The following GABRB1 variants were observed in gnomAD, a reference collection of about 807,000 sequenced individuals.
GABRB1 encodes the protein gamma-aminobutyric acid type A receptor subunit beta1, also known as gamma-aminobutyric acid receptor subunit beta-1.
In GABRB1, 17 loss-of-function variants were observed where a neutral mutation model predicts 51.6. The ratio of observed to expected loss-of-function variants is 0.33; its 90% CI spans 0.23 to 0.49. The LOEUF (loss-of-function observed/expected upper bound fraction) is 0.49, where lower values mean the gene tolerates loss of function less well. GABRB1 is among the 20% of genes least tolerant of loss of function. GABRB1 has a pLI of 0.99. For missense variants in GABRB1, 410 were observed against 600.6 expected (o/e 0.68, Z 3.32); for synonymous variants, 247 against 218.9 (o/e 1.13, Z -1.14).
At chr4:47,082,136 C>G (rs1414355680) in intron 3 of GABRB1, among the ~76,000 whole-genome samples, 2 of 151,918 alleles carry the variant, frequency 1.3e-5, no homozygotes, top group East Asian at 3.9e-4. Context: ...ATAATACCAA[C>G]TCTATGATTT....
At chr4:47,354,410 A>T (rs1478051301) in intron 5 of GABRB1, among the ~76,000 whole-genome samples, 2 of 152,192 alleles carry the variant, frequency 1.3e-5, no homozygotes, top group African/African-American at 2.4e-5. Context: ...TTATTCACAA[A>T]CTCTTTCTTC....
chr4:47,043,565 A>G lies in GABRB1; in HGVS notation c.240+11081A>G, dbSNP rs370131249. On this transcript the variant is annotated intron_variant, in intron 3 of 8. Coordinates refer to ENST00000295454, the MANE Select transcript of GABRB1 (RefSeq NM_000812.4). ...TGCATAGTCACTGTTCTGCTGTTCC[A>G]CATTTTAAAGGAGTTATACATCACC... Among the ~76,000 whole-genome samples the G allele has an allele frequency of 4.1e-4, 62 of 152,178 alleles. 1 individual carries two copies. In the East Asian group the frequency reaches 7.9e-3, roughly 19 times the overall value.
intron 3 of GABRB1, among the ~76,000 whole-genome samples, chr4:47,123,212 C>A (rs370408895): frequency 6.7e-6 from 1 of 148,316 alleles, no homozygotes; most frequent in Non-Finnish European, 1.5e-5. Flanking sequence ...AGGTACTATT[C>A]TGGGCTAGAG....
In GABRB1 at chr4:47,084,120, T is replaced by C. The variant is rs192735472; in HGVS notation, c.240+51636T>C. Among the ~76,000 whole-genome samples, 260 of 152,328 alleles carry C rather than the reference T, an allele frequency of 1.7e-3. 1 individual carries two copies. Among genetic ancestry groups the C allele is most frequent in the Non-Finnish European group, 2.8e-3 (189 of 68,030 alleles). ...CAATATGAATGTAAACCAGCTATGG[T>C]TTCTTTCATGGAGGATAAATTAAAT... On this transcript the variant is annotated intron_variant, in intron 3 of 8. Coordinates refer to ENST00000295454, the MANE Select transcript of GABRB1 (RefSeq NM_000812.4).
intron 1 of GABRB1, among the ~76,000 whole-genome samples, chr4:47,019,676 T>TTTCTTTCTTTCTTTCC (rs1724863125): frequency 7.3e-6 from 1 of 137,732 alleles, no homozygotes; most frequent in Non-Finnish European, 1.6e-5. Context: ...TCTTTCTTTC[T>TTTCTTTCTTTCTTTCC]TTCCTTCTTT....
chr4:47,397,157 T>C (rs866053831), intron 5 of GABRB1, among the ~76,000 whole-genome samples: 6 of 152,208 alleles, frequency 3.9e-5, no homozygotes, highest in South Asian at 2.1e-4. Flanking sequence ...AATGTGTTAA[T>C]TTTTTATGAC....
upstream of GABRB1, chr4:47,031,544 G>A: frequency 1.2e-6 from 1 of 860,816 alleles, no homozygotes. Flanking sequence ...GGTAGTGAGC[G>A]CGCTCTGCGC....
At chr4:47,290,581 G>A (rs1307190252) in intron 4 of GABRB1, among the ~76,000 whole-genome samples, 1 of 152,146 alleles carries the variant, frequency 6.6e-6, no homozygotes, top group East Asian at 1.9e-4. Context: ...GGGAAAGTTT[G>A]GAATTTCCTA....
chr4:47,159,997 T>A (rs1422298713), intron 3 of GABRB1, among the ~76,000 whole-genome samples: 2 of 152,124 alleles, frequency 1.3e-5, no homozygotes, highest in East Asian at 3.9e-4. Context: ...ACTTTAGGAT[T>A]TTACTGCTGC....
chr4:47,334,204 T>C lies in GABRB1; in HGVS notation c.544+13995T>C, dbSNP rs144828722. ...GTTGGTTGATGGACTCAACTTTGAG[T>C]AGTCAAAATCTGGAGTCAGCATAAA... On this transcript the variant is annotated intron_variant, in intron 5 of 8. Transcript: ENST00000295454. 6.8e-3 allele frequency among the ~76,000 whole-genome samples: 1,030 copies of C among 152,280 alleles called. 12 individuals carry two copies. The highest frequency in any genetic ancestry group is 0.044 in the Middle Eastern group (13 of 294).
At chr4:47,302,496 T>A (rs915744357) in intron 4 of GABRB1, among the ~76,000 whole-genome samples, 1 of 152,128 alleles carries the variant, frequency 6.6e-6, no homozygotes, top group South Asian at 2.1e-4. Flanking sequence ...ATAAACTGCA[T>A]TTAAATATTT....
At position 47,269,935 on chromosome 4, in the gene GABRB1, T is replaced by TACACACACACACACACAC. The variant is rs10639386; in HGVS notation, c.462-50168_462-50151dup. Among the ~76,000 whole-genome samples the TACACACACACACACACAC allele has an allele frequency of 1.7e-3, 228 of 136,044 alleles. 4 individuals are homozygous for TACACACACACACACACAC. The highest frequency in any genetic ancestry group is 4.0e-3 in the African/African-American group (144 of 35,892). 89.3% of individuals were successfully genotyped at this position (136,044 alleles called of 152,430 possible). A position where few individuals can be genotyped will look rare whatever the true frequency, so the allele number is the denominator to read the frequency against. On this transcript the variant is annotated intron_variant, in intron 4 of 8. Coordinates refer to ENST00000295454, the MANE Select transcript of GABRB1 (RefSeq NM_000812.4). ...CTAAGGTGTCCTTGTCAACTCTCCC[T>TACACACACACACACACAC]ACACACACACACACACACACACACA...
At chr4:47,305,262 G>C (rs1304750091) in intron 4 of GABRB1, among the ~76,000 whole-genome samples, 3 of 152,044 alleles carry the variant, frequency 2.0e-5, no homozygotes, top group Non-Finnish European at 2.9e-5. Flanking sequence ...CATGGCCCTG[G>C]AAATTGTCCA....
chr4:47,051,164 A>G (rs993465299), intron 3 of GABRB1, among the ~76,000 whole-genome samples: 64 of 152,198 alleles, frequency 4.2e-4, no homozygotes, highest in Non-Finnish European at 1.9e-4. Context: ...GAGGGAAAAA[A>G]AAGACGGGGA....
At chr4:46,996,646 T>C (rs1281074975) in intron 1 of GABRB1, among the ~76,000 whole-genome samples, 1 of 152,134 alleles carries the variant, frequency 6.6e-6, no homozygotes, top group Non-Finnish European at 1.5e-5. Flanking sequence ...AACAGGCGAA[T>C]GAATATTTGT....
intron 4 of GABRB1, among the ~76,000 whole-genome samples, chr4:47,294,182 G>C (rs1723868989): frequency 6.6e-6 from 1 of 152,214 alleles, no homozygotes; most frequent in Admixed American, 6.5e-5. Context: ...GAGCAACGCA[G>C]AAGACAGATG....
chr4:47,040,347 A>C (rs762810033), intron 3 of GABRB1, among the ~76,000 whole-genome samples: 2 of 152,218 alleles, frequency 1.3e-5, no homozygotes, highest in African/African-American at 4.8e-5. Flanking sequence ...TTCAAGGTCC[A>C]GATGAGAGGT....
chr4:47,027,317 A>T (rs1404612334), upstream of GABRB1, among the ~76,000 whole-genome samples: 2 of 151,646 alleles, frequency 1.3e-5, no homozygotes, highest in African/African-American at 4.8e-5. Context: ...ACCCAGAAAA[A>T]ATTGCAATAT....
intron 5 of GABRB1, among the ~76,000 whole-genome samples, chr4:47,331,277 T>C (rs888118770): frequency 6.6e-6 from 1 of 152,168 alleles, no homozygotes; most frequent in African/African-American, 2.4e-5. Flanking sequence ...TTTATTCCTT[T>C]TTCCAGCCTG....
Sources: allele counts gnomAD v4.1 joint callset (sites outside exome capture counted in the v4.1 genomes callset), GRCh38; gene constraint gnomAD v4.1.1; transcripts MANE v1.5; gene names NCBI Gene and HGNC (gene_info 2026-07-23, HGNC 2026-07-21).